GSG1L: variants seen among roughly 807,000 people sequenced by gnomAD.
GSG1L encodes germ cell-specific gene 1-like protein.
Under a neutral mutation model 42.1 loss-of-function variants are expected in GSG1L, and 24 were observed. That is an observed-to-expected ratio of 0.57 (90% CI 0.41 to 0.80). The LOEUF (loss-of-function observed/expected upper bound fraction) is 0.80, where lower values mean the gene tolerates loss of function less well. GSG1L is among the 30% of genes least tolerant of loss of function. The pLI is 0.00. For missense variants in GSG1L, 445 were observed against 472.2 expected, an observed-to-expected ratio of 0.94 and a Z score of 0.53; for synonymous variants, 215 against 203.5, an observed-to-expected ratio of 1.06 and a Z score of -0.48.
intron 1 of GSG1L, among the ~76,000 whole-genome samples, chr16:28,021,104 G>A (rs369334335): frequency 5.8e-4 from 89 of 152,298 alleles, no homozygotes; most frequent in South Asian, 4.1e-3. Flanking sequence ...AAGAGATACC[G>A]GAGACTGGGT....
At chr16:27,810,429 C>T (rs753953680) in intron 5 of GSG1L, among the ~76,000 whole-genome samples, 4 of 152,202 alleles carry the variant, frequency 2.6e-5, no homozygotes, top group African/African-American at 4.8e-5. Context: ...ATGATCTCAT[C>T]ACTGTGCTTC....
chr16:27,947,524 AGAAAGAAAGAATGAAG>A (rs2084891937), intron 2 of GSG1L, among the ~76,000 whole-genome samples: 1 of 145,706 alleles, frequency 6.9e-6, no homozygotes, highest in East Asian at 2.0e-4. Context: ...AGAAAGAAAA[AGAAAGAAAGAATGAAG>A]GAAAGAAAGA....
intron 2 of GSG1L, among the ~76,000 whole-genome samples, chr16:27,885,727 GGAAA>G (rs2084019324): frequency 1.3e-5 from 2 of 152,314 alleles, no homozygotes; most frequent in South Asian, 4.1e-4. Context: ...AAGTAGACCA[GGAAA>G]GAGCAGTTCA....
chr16:27,874,542 C>A (rs763452855), intron 3 of GSG1L, among the ~76,000 whole-genome samples: 1 of 148,482 alleles, frequency 6.7e-6, no homozygotes, highest in Admixed American at 6.9e-5. Flanking sequence ...CCTCAACCTC[C>A]CAGGCTCAAA....
chr16:28,015,306 C>G (rs976882490), intron 1 of GSG1L, among the ~76,000 whole-genome samples: 3 of 152,214 alleles, frequency 2.0e-5, no homozygotes, highest in African/African-American at 7.2e-5. Flanking sequence ...GAGTTTGGGA[C>G]CAGCCTGGGC....
At position 27,894,696 on chromosome 16, in the gene GSG1L, A is replaced by G. The variant is rs1054561261; in HGVS notation, c.398-10058T>C. Among the ~76,000 whole-genome samples the G allele has an allele frequency of 5.3e-5, 8 of 152,314 alleles. No individual in the cohort carries two copies. In the South Asian group the frequency reaches 1.2e-3, roughly 24 times the overall value. On this transcript the variant is annotated intron_variant, in intron 2 of 6. Coordinates refer to ENST00000447459, the MANE Select transcript of GSG1L (RefSeq NM_001109763.2). ...AGGGATGTACCGGCGCTGGGAGGAAAAGGCCAGAGGCCATGGAGAGCTGTA... is the reference window on the plus strand; with the variant it reads ...AGGGATGTACCGGCGCTGGGAGGAAGAGGCCAGAGGCCATGGAGAGCTGTA...
At chr16:27,836,170 A>G (rs1434863827) in intron 4 of GSG1L, among the ~76,000 whole-genome samples, 1 of 152,008 alleles carries the variant, frequency 6.6e-6, no homozygotes, top group Non-Finnish European at 1.5e-5. Context: ...TTCTTTCAAA[A>G]TGTTGTGCCA....
intron 1 of GSG1L, among the ~76,000 whole-genome samples, chr16:28,029,557 A>ATGGATGCATGGG (rs753973989): frequency 6.7e-6 from 1 of 148,794 alleles, no homozygotes; most frequent in African/African-American, 2.5e-5. Context: ...GGATGGATGG[A>ATGGATGCATGGG]TGGATGCATG....
At chr16:27,833,839 G>A (rs1315161972) in intron 4 of GSG1L, among the ~76,000 whole-genome samples, 1 of 151,864 alleles carries the variant, frequency 6.6e-6, no homozygotes, top group East Asian at 1.9e-4. Flanking sequence ...CAATTTTTTT[G>A]GTAGATTCCT....
chr16:27,831,690 G>C (rs1374721876), intron 4 of GSG1L, among the ~76,000 whole-genome samples: 2 of 152,234 alleles, frequency 1.3e-5, no homozygotes, highest in Non-Finnish European at 2.9e-5. Flanking sequence ...CGGTGGAGCA[G>C]AGCCAGACAG....
chr16:27,865,932 C>A (rs2083718671), intron 3 of GSG1L, among the ~76,000 whole-genome samples: 1 of 152,002 alleles, frequency 6.6e-6, no homozygotes, highest in Non-Finnish European at 1.5e-5. Context: ...AACTCCTGAG[C>A]TCAAGTGATC....
intron 1 of GSG1L, among the ~76,000 whole-genome samples, chr16:28,025,371 G>A (rs547812900): frequency 1.3e-5 from 2 of 152,164 alleles, no homozygotes; most frequent in African/African-American, 4.8e-5. Context: ...CCTCATCTAA[G>A]GAAGAGCAGA....
intron 2 of GSG1L, among the ~76,000 whole-genome samples, chr16:27,930,108 C>A (rs1174508940): frequency 1.3e-5 from 2 of 152,020 alleles, no homozygotes; most frequent in Non-Finnish European, 2.9e-5. Context: ...AGGGCCTCCT[C>A]AAATTTTGCA....
At chr16:28,047,569 A>G (rs914987860) in intron 1 of GSG1L, among the ~76,000 whole-genome samples, 3 of 152,208 alleles carry the variant, frequency 2.0e-5, no homozygotes, top group Non-Finnish European at 4.4e-5. Flanking sequence ...TTCACCTAAC[A>G]AAAAGACATG....
chr16:27,931,009 C>T (rs1178338020), intron 2 of GSG1L, among the ~76,000 whole-genome samples: 4 of 152,144 alleles, frequency 2.6e-5, no homozygotes, highest in African/African-American at 7.2e-5. Flanking sequence ...GCCTCGGCCT[C>T]CCAAACTGCT....
At chr16:28,045,553 T>C (rs1306290919) in intron 1 of GSG1L, among the ~76,000 whole-genome samples, 1 of 151,964 alleles carries the variant, frequency 6.6e-6, no homozygotes, top group Admixed American at 6.6e-5. Flanking sequence ...TGCGCTTCTG[T>C]AGTCTCAGCT....
chr16:27,983,195 C>A (rs1336038130), intron 1 of GSG1L, among the ~76,000 whole-genome samples: 1 of 152,050 alleles, frequency 6.6e-6, no homozygotes, highest in Admixed American at 6.5e-5. Flanking sequence ...ATTAGCTGGG[C>A]ATGGCGGTGC....
intron 1 of GSG1L, among the ~76,000 whole-genome samples, chr16:28,057,725 C>T (rs560548947): frequency 5.3e-5 from 8 of 152,120 alleles, no homozygotes; most frequent in African/African-American, 1.7e-4. Flanking sequence ...GCTGGGACCA[C>T]GTTATCTGGA....
intron 4 of GSG1L, among the ~76,000 whole-genome samples, chr16:27,841,320 G>A (rs553194031): frequency 2.3e-4 from 35 of 152,294 alleles, no homozygotes; most frequent in Admixed American, 1.2e-3. Flanking sequence ...AGTGTATGTC[G>A]GGGTGAGATT....
Sources: gnomAD v4.1 joint callset for allele counts (sites outside exome capture counted in the v4.1 genomes callset) on GRCh38, gnomAD v4.1.1 for gene constraint, MANE v1.5 for transcripts, NCBI Gene and HGNC (gene_info 2026-07-23, HGNC 2026-07-21) for gene names.